PLD5: variants seen among roughly 807,000 people sequenced by gnomAD.
The protein encoded by PLD5 is inactive phospholipase D5.
A neutral mutation model predicts 61.1 loss-of-function variants in PLD5; 36 were observed. The ratio of observed to expected loss-of-function variants is 0.59; its 90% CI spans 0.45 to 0.78. PLD5 has a LOEUF of 0.78. PLD5 is among the 30% of genes least tolerant of loss of function. The pLI is 0.00. For missense variants in PLD5, 515 were observed against 644.4 expected (o/e 0.80, Z 2.17); for synonymous variants, 243 against 242.8 (o/e 1.00, Z -0.01).
chr1:242,171,350 C>T (rs1344134433), intron 5 of PLD5, among the ~76,000 whole-genome samples: 1 of 152,106 alleles, frequency 6.6e-6, no homozygotes, highest in Non-Finnish European at 1.5e-5. Flanking sequence ...GATTTTGTCA[C>T]CACCAGGCCT....
intron 5 of PLD5, among the ~76,000 whole-genome samples, chr1:242,155,403 G>C (rs1427458226): frequency 1.3e-5 from 2 of 152,002 alleles, no homozygotes; most frequent in Non-Finnish European, 2.9e-5. Flanking sequence ...TTTTGAATTT[G>C]TTTGCTCTTG....
At chr1:242,525,307 G>A (rs778138480), upstream of PLD5, among the ~76,000 whole-genome samples, 7 of 151,330 alleles carry the variant, frequency 4.6e-5, no homozygotes, top group Non-Finnish European at 8.9e-5. Context: ...ACCTAGAACC[G>A]GGCTCCCCGG....
intron 1 of PLD5, among the ~76,000 whole-genome samples, chr1:242,504,746 A>T (rs754025820): frequency 6.0e-4 from 92 of 152,310 alleles, no homozygotes; most frequent in Middle Eastern, 6.8e-3. Flanking sequence ...TGCCTCGGTG[A>T]AACATGATTT....
intron 7 of PLD5, among the ~76,000 whole-genome samples, chr1:242,110,326 T>G (rs1661386234): frequency 6.6e-6 from 1 of 151,976 alleles, no homozygotes; most frequent in Non-Finnish European, 1.5e-5. Context: ...ACATAAGAAT[T>G]AAATGACATT....
intron 4 of PLD5, among the ~76,000 whole-genome samples, chr1:242,225,850 A>G (rs925562447): frequency 1.3e-5 from 2 of 152,198 alleles, no homozygotes; most frequent in Non-Finnish European, 2.9e-5. Context: ...TCATGCATAC[A>G]TTTTTGCAAG....
chr1:242,322,076 C>T (rs1420266059), intron 2 of PLD5, among the ~76,000 whole-genome samples: 1 of 152,172 alleles, frequency 6.6e-6, no homozygotes, highest in Non-Finnish European at 1.5e-5. Flanking sequence ...CTAGAAGCCA[C>T]GAGCCCTTGG....
In PLD5 at chr1:242,387,141, T is replaced by A. The variant is rs1051286225; in HGVS notation, c.190-38899A>T. Among the ~76,000 whole-genome samples the A allele has an allele frequency of 3.5e-4, 53 of 152,332 alleles. 1 individual carries two copies. Among genetic ancestry groups the A allele is most frequent in the Admixed American group, 3.1e-3 (48 of 15,296 alleles). On this transcript the variant is annotated intron_variant, in intron 1 of 9. Coordinates refer to ENST00000536534, the MANE Select transcript of PLD5 (RefSeq NM_001372062.1). The stretch of plus-strand genomic sequence containing the variant: ...GAAAAAGATCTAATTAAATAGATAC[T>A]CCTGTTCATGGATAAAAGAACTTAA...
chr1:242,129,439 A>C (rs372613799), intron 5 of PLD5, among the ~76,000 whole-genome samples: 4 of 152,218 alleles, frequency 2.6e-5, no homozygotes, highest in Admixed American at 6.5e-5. Context: ...TGGAAAAAAA[A>C]CCAACCAAAC....
intron 5 of PLD5, among the ~76,000 whole-genome samples, chr1:242,207,441 T>C (rs1383161087): frequency 6.6e-6 from 1 of 152,078 alleles, no homozygotes; most frequent in Non-Finnish European, 1.5e-5. Context: ...TCTGCATTGG[T>C]CCCAAGCTTA....
chr1:242,351,202 T>G (rs1660458533), intron 1 of PLD5, among the ~76,000 whole-genome samples: 1 of 152,142 alleles, frequency 6.6e-6, no homozygotes, highest in African/African-American at 2.4e-5. Context: ...CGCCCGGCCC[T>G]GTTTTATTCT....
intron 4 of PLD5, among the ~76,000 whole-genome samples, chr1:242,250,357 C>A (rs189698592): frequency 6.6e-6 from 1 of 152,262 alleles, no homozygotes; most frequent in Admixed American, 6.5e-5. Flanking sequence ...ACACGCATTA[C>A]AGTGCAGGGA....
chr1:242,369,058 C>T (rs1015506474), intron 1 of PLD5, among the ~76,000 whole-genome samples: 2 of 152,096 alleles, frequency 1.3e-5, no homozygotes, highest in Non-Finnish European at 2.9e-5. Flanking sequence ...TCAAGACAAC[C>T]AGAGAATCAG....
In PLD5 at chr1:242,342,524, C is replaced by A. The variant is rs148821366; in HGVS notation, c.326+5582G>T. Among the ~76,000 whole-genome samples the A allele has an allele frequency of 5.8e-3, 879 of 152,260 alleles. 1 individual carries two copies. Among genetic ancestry groups the A allele is most frequent in the Non-Finnish European group, 8.7e-3 (593 of 68,034 alleles). ...GGGGCACTAGCGAATTGCAAAATAG[C>A]CAAGTCACAGGATGCATGCAACCTA... On this transcript the variant is annotated intron_variant, in intron 2 of 9. Transcript: ENST00000536534.
chr1:242,325,729 A>C (rs1322737698), intron 2 of PLD5, among the ~76,000 whole-genome samples: 1 of 151,884 alleles, frequency 6.6e-6, no homozygotes, highest in Non-Finnish European at 1.5e-5. Context: ...GGCTTTTTTT[A>C]CCTGGAGTAA....
chr1:242,420,925 T>C (rs1665101337), intron 1 of PLD5, among the ~76,000 whole-genome samples: 1 of 152,154 alleles, frequency 6.6e-6, no homozygotes, highest in Non-Finnish European at 1.5e-5. Context: ...ACGCCTGTAA[T>C]CCCTTTGGGA....
At chr1:242,430,849 T>A (rs550547127) in intron 1 of PLD5, among the ~76,000 whole-genome samples, 4 of 152,272 alleles carry the variant, frequency 2.6e-5, no homozygotes, top group South Asian at 2.1e-4. Context: ...CAGGGCTAGA[T>A]GAAGTCTGAA....
rs555569585 is a variant in PLD5, at chr1:242,315,698, G to A, written c.327-27168C>T. 6.6e-5 allele frequency among the ~76,000 whole-genome samples: 10 copies of A among 152,098 alleles called. No homozygotes were observed. In the East Asian group the frequency reaches 1.4e-3, roughly 21 times the overall value. On this transcript the variant is annotated intron_variant, in intron 2 of 9. Coordinates refer to ENST00000536534, the MANE Select transcript of PLD5 (RefSeq NM_001372062.1). ...TGCTACATTGTCTAGACTGCATTTG[G>A]ACTTCTGAGCTCAAGCAGTCCTCCC... is the stretch of plus-strand genomic sequence containing the variant.
chr1:242,168,521 G>A (rs931513869), intron 5 of PLD5, among the ~76,000 whole-genome samples: 23 of 152,118 alleles, frequency 1.5e-4, no homozygotes, highest in Admixed American at 1.2e-3. Context: ...AGTAATTTGG[G>A]GTTACAGAAT....
At chr1:242,479,882 A>G (rs1380165966) in intron 1 of PLD5, among the ~76,000 whole-genome samples, 1 of 149,698 alleles carries the variant, frequency 6.7e-6, no homozygotes, top group African/African-American at 2.5e-5. Flanking sequence ...TCTCTACTAA[A>G]AATACAAAAA....
Sources: allele counts gnomAD v4.1 joint callset (sites outside exome capture counted in the v4.1 genomes callset), GRCh38; gene constraint gnomAD v4.1.1; transcripts MANE v1.5; gene names NCBI Gene and HGNC (gene_info 2026-07-23, HGNC 2026-07-21).